The following TSC1 variants were observed in gnomAD, a reference collection of about 807,000 sequenced individuals.
TSC1 encodes the protein hamartin.
Under a neutral mutation model 124.3 loss-of-function variants are expected in TSC1, and 20 were observed. The ratio of observed to expected loss-of-function variants is 0.16; its 90% CI spans 0.11 to 0.23. TSC1 has a LOEUF of 0.23. TSC1 is among the 10% of genes least tolerant of loss of function. TSC1 has a pLI of 1.00. For synonymous variants in TSC1, 493 were observed against 539.1 expected, an observed-to-expected ratio of 0.91 and a Z score of 1.19; for missense variants, 1,124 against 1,448.5, an observed-to-expected ratio of 0.78 and a Z score of 3.64.
Position 132,912,338 on chromosome 9 carries a change from G to C in TSC1, c.857C>G (p.Pro286Arg), listed in dbSNP as rs375144225. 6.2e-6 allele frequency: 10 copies of C among 1,614,100 alleles called. No homozygotes were observed. In the African/African-American group the frequency reaches 1.3e-4, roughly 22 times the overall value. Residue 286 changes from proline (P) to arginine (R), a missense_variant, in exon 9 of 23, where the codon CCT becomes CGT. This residue lies in a region of TSC1 where 463 missense variants were observed against 606.8 expected (regional missense o/e 0.76). Transcript: ENST00000298552. ...SVSHQISARF[P>R]HRSADVTTSP... ...GGTGGTGACATCGGCTGAACGATGA[G>C]GAAAGCGGGCTGAGATTTGGTGAGA... is the stretch of plus-strand genomic sequence containing the variant.
At position 132,895,006 on chromosome 9, in the gene TSC1, T is replaced by TG. The variant is rs1201845631; in HGVS notation, c.*1228dup. The TG allele has an allele frequency of 4.3e-6, 1 of 232,438 alleles. No homozygotes were observed. The highest frequency in any genetic ancestry group is 5.6e-5 in the Admixed American group (1 of 17,754). 14.4% of individuals were successfully genotyped at this position (232,438 alleles called of 1,614,324 possible). A position where few individuals can be genotyped will look rare whatever the true frequency, so the allele number is the denominator to read the frequency against. On this transcript the variant is annotated 3_prime_UTR_variant, in exon 23 of 23. Transcript: ENST00000298552. Reference sequence around the variant, plus strand: ...CTCGGGAGCACGTGGGGCAGCCTAGTGGGTATACACAGCCAGCCTTTGCCA... The same window carrying TG: ...CTCGGGAGCACGTGGGGCAGCCTAGTGGGGTATACACAGCCAGCCTTTGCCA...
At chr9:132,910,489 G>A in intron 12 of TSC1, 82 bp downstream of exon 12, 1 of 1,606,264 alleles carries the variant, frequency 6.2e-7, no homozygotes, top group East Asian at 2.2e-5. Flanking sequence ...ATTCTATCTG[G>A]CATAATTAGG....
rs1845431566 is a variant in TSC1 at position 132,902,478 on chromosome 9, C to G, written c.2391+127G>C. 9 of 1,233,102 alleles carry G rather than the reference C, an allele frequency of 7.3e-6. No individual in the cohort carries two copies. The highest frequency in any genetic ancestry group is 1.1e-5 in the Non-Finnish European group (9 of 847,894). 76.4% of individuals were successfully genotyped at this position (1,233,102 alleles called of 1,614,324 possible). ...CCATGAAGAATTTCTGCCATGATTT[C>G]AGAGAGAAAAGCATTCAGCTTAGTA... On this transcript the variant is annotated intron_variant, in intron 18 of 22. Coordinates refer to ENST00000298552, the MANE Select transcript of TSC1 (RefSeq NM_000368.5). The surrounding 1 kb of genome is among the most constrained non-coding windows in gnomAD (Gnocchi z 5.2).
In TSC1 at chr9:132,894,482, G is replaced by A. The variant is rs1405189494; in HGVS notation, c.*1753C>T. ...TGGACAAAGCTGAATTAAATGTGTG[G>A]TGTCACTAATACTCCACATCTGACA... On this transcript the variant is annotated 3_prime_UTR_variant, in exon 23 of 23. Transcript: ENST00000298552. 1 of 228,326 alleles carries A rather than the reference G, an allele frequency of 4.4e-6. No homozygotes were observed. Among genetic ancestry groups the A allele is most frequent in the Non-Finnish European group, 8.7e-6 (1 of 114,814 alleles). The allele number at this position is 228,326 out of a possible 1,614,324, so 14.1% of individuals were successfully genotyped here.
In TSC1 at chr9:132,944,579, T is replaced by C. The variant is rs1229074092; in HGVS notation, c.-180A>G. 2.5e-6 allele frequency: 1 copy of C among 398,560 alleles called. No individual in the cohort carries two copies. 24.7% of individuals were successfully genotyped at this position (398,560 alleles called of 1,614,324 possible). ...TCCCCCTCAGCTGTTTACCTCACAG[T>C]CCCTCCAGCCTACAGGGCGCCGCCA... On this transcript the variant is annotated 5_prime_UTR_variant, in exon 1 of 23. Coordinates refer to ENST00000298552, the MANE Select transcript of TSC1 (RefSeq NM_000368.5).
At position 132,891,363 on chromosome 9, in the gene TSC1, AAATT is replaced by A. The variant is rs1239082018; in HGVS notation, c.*4868_*4871del. 1 of 231,296 alleles carries A rather than the reference AAATT, an allele frequency of 4.3e-6. No homozygotes were observed. Among genetic ancestry groups the A allele is most frequent in the African/African-American group, 2.2e-5 (1 of 45,228 alleles). 14.3% of individuals were successfully genotyped at this position (231,296 alleles called of 1,614,324 possible). ...ACACAGCAGAGTAGTGCAAAACAAT[AAATT>A]TTTATTTGTTCACAGTTAAACACAA... On this transcript the variant is annotated 3_prime_UTR_variant, in exon 23 of 23. Transcript: ENST00000298552.
At chr9:132,944,809 T>C (rs1847999167), upstream of TSC1, 2 of 390,904 alleles carry the variant, frequency 5.1e-6, no homozygotes, top group Non-Finnish European at 9.0e-6. Flanking sequence ...AAGGAGGGTT[T>C]TTATGGAGGG....
chr9:132,892,670 G>A lies in TSC1; in HGVS notation c.*3565C>T, dbSNP rs771494783. 4.2e-4 allele frequency: 98 copies of A among 233,336 alleles called. No homozygotes were observed. Among genetic ancestry groups the A allele is most frequent in the Non-Finnish European group, 5.9e-4 (70 of 118,068 alleles). 14.5% of individuals were successfully genotyped at this position (233,336 alleles called of 1,614,324 possible). A position where few individuals can be genotyped will look rare whatever the true frequency, so the allele number is the denominator to read the frequency against. On this transcript the variant is annotated 3_prime_UTR_variant, in exon 23 of 23. Transcript: ENST00000298552. The stretch of plus-strand genomic sequence containing the variant: ...AGCGAGAAAAGGTGAGTCTCATTAC[G>A]CAGAACTTTTGTTTGCTCTTCGGTT...
At chr9:132,927,428 G>T in intron 3 of TSC1, 124 bp from the exon 4 acceptor site, 1 of 857,794 alleles carries the variant, frequency 1.2e-6, no homozygotes, top group Non-Finnish European at 1.9e-6. Flanking sequence ...GTTTTGTGCA[G>T]CATTACAGTT....
rs774398322 is a variant in TSC1, at chr9:132,921,933, A to G, written c.549T>C (p.Ser183=). 6.2e-7 allele frequency: 1 copy of G among 1,614,184 alleles called. No individual in the cohort carries two copies. The highest frequency in any genetic ancestry group is 8.5e-7 in the Non-Finnish European group (1 of 1,180,020). ...AAAGGCGATGAAAGAGTGCGTACAC[A>G]CTGGCATGGAGATGGACGAGATAGA... is the stretch of plus-strand genomic sequence containing the variant. The part of the protein sequence containing the change: ...AEVYLVHLHA[S]VYALFHRLYG... The change falls in exon 7 of 23, where the codon AGT becomes AGC. Residue 183 remains serine, a synonymous_variant. Transcript: ENST00000298552. The surrounding 1 kb of genome is among the most constrained non-coding windows in gnomAD (Gnocchi z 4.3).
chr9:132,904,971 T>C (rs1845577448), intron 15 of TSC1, among the ~76,000 whole-genome samples: 1 of 152,178 alleles, frequency 6.6e-6, no homozygotes, highest in South Asian at 2.1e-4. Flanking sequence ...AATTCCACCA[T>C]AGCATAGTAT....
rs1846520714 is a variant in TSC1, at chr9:132,921,032, C to T, written c.737+331G>A. ...TTGCAAAGCCAGATTTATATATATG[C>T]TAAATTGTTTTTCTGCAGTCCCCTT... On this transcript the variant is annotated intron_variant, in intron 8 of 22. Coordinates refer to ENST00000298552, the MANE Select transcript of TSC1 (RefSeq NM_000368.5). The surrounding 1 kb of genome is among the most constrained non-coding windows in gnomAD (Gnocchi z 4.3). Among the ~76,000 whole-genome samples the T allele has an allele frequency of 6.6e-6, 1 of 151,832 alleles. No homozygotes were observed. The highest frequency in any genetic ancestry group is 1.5e-5 in the Non-Finnish European group (1 of 67,952).
chr9:132,908,613 CTTT>C (rs754733739), intron 12 of TSC1, among the ~76,000 whole-genome samples: 1 of 140,018 alleles, frequency 7.1e-6, no homozygotes, highest in African/African-American at 2.6e-5. Flanking sequence ...CCACACCTGG[CTTT>C]TTTTTTTTTT....
intron 1 of TSC1, chr9:132,939,077 C>G (rs897652427): frequency 1.3e-5 from 2 of 152,168 alleles, no homozygotes; most frequent in African/African-American, 4.8e-5. Context: ...CAGGTCCAGG[C>G]ATGGATAGAC....
chr9:132,918,255 C>T (rs1386897597), intron 8 of TSC1, among the ~76,000 whole-genome samples: 1 of 152,196 alleles, frequency 6.6e-6, no homozygotes, highest in East Asian at 1.9e-4. Flanking sequence ...TGCAAATCCA[C>T]AAAAGCAGAA....
intron 8 of TSC1, among the ~76,000 whole-genome samples, chr9:132,915,468 T>C (rs1379552523): frequency 3.3e-5 from 5 of 152,260 alleles, no homozygotes; most frequent in African/African-American, 9.6e-5. Context: ...TTACGAACAA[T>C]GTTCATTTAT....
chr9:132,915,123 C>T (rs1846204723), intron 8 of TSC1, among the ~76,000 whole-genome samples: 1 of 151,102 alleles, frequency 6.6e-6, no homozygotes, highest in Admixed American at 6.6e-5. Context: ...GAGGTTGAGG[C>T]TGCCATGAGC....
rs35478675 is a variant in TSC1 at position 132,905,877 on chromosome 9, C to G, written c.1701G>C (p.Ala567=). The change falls in exon 15 of 23, where the codon GCG becomes GCC. Residue 567 remains alanine (A), a synonymous_variant. Transcript: ENST00000298552. The stretch of plus-strand genomic sequence containing the variant: ...AAGAAGTCTGGCATTCCCTGTCTCC[C>G]GCAGGGCTTTCATCAGCACTGCCGC... ...LPCGSADESP[A]GDRECQTSLE... 8 of 1,612,272 alleles carry G rather than the reference C, an allele frequency of 5.0e-6. No homozygotes were observed. The highest frequency in any genetic ancestry group is 6.8e-6 in the Non-Finnish European group (8 of 1,178,582).
At position 132,902,103 on chromosome 9, in the gene TSC1, G is replaced by A. The variant is rs1004680500; in HGVS notation, c.2392-404C>T. The A allele has an allele frequency of 4.1e-6, 1 of 243,500 alleles. No individual in the cohort carries two copies. Among genetic ancestry groups the A allele is most frequent in the African/African-American group, 2.3e-5 (1 of 43,734 alleles). 15.1% of individuals were successfully genotyped at this position (243,500 alleles called of 1,614,324 possible). On this transcript the variant is annotated intron_variant, in intron 18 of 22. Transcript: ENST00000298552. This position sits in a 1 kb window ranked among gnomAD's most constrained non-coding sequence, Gnocchi z 5.2. ...GTCTTTGTGAAGCCGGGTTTTTTTG[G>A]GTGCAGTGATACAAAGCACCACAAG...
Sources: gnomAD v4.1 joint callset for allele counts (sites outside exome capture counted in the v4.1 genomes callset) on GRCh38, gnomAD v4.1.1 for gene constraint, gnomAD v4.1.1 regional missense constraint, Gnocchi (gnomAD v3.1) non-coding constraint, MANE v1.5 for transcripts, NCBI Gene and HGNC (gene_info 2026-07-23, HGNC 2026-07-21) for gene names.